SYNJ2BP: variants seen among roughly 807,000 people sequenced by gnomAD.
The protein encoded by SYNJ2BP is synaptojanin-2-binding protein.
A neutral mutation model predicts 16.9 loss-of-function variants in SYNJ2BP; 10 were observed. That is an observed-to-expected ratio of 0.59 (90% CI 0.36 to 1.00). The LOEUF is 1.00. Ranked by LOEUF, SYNJ2BP falls within the 50% of genes least tolerant of loss-of-function variation. The pLI, the probability that SYNJ2BP is intolerant of heterozygous loss-of-function variation, is 0.01. For synonymous variants in SYNJ2BP, 54 were observed against 68.4 expected, an observed-to-expected ratio of 0.79 and a Z score of 1.04; for missense variants, 162 against 186.7, an observed-to-expected ratio of 0.87 and a Z score of 0.77.
chr14:70,406,337 T>C (rs28600078), intron 1 of SYNJ2BP, among the ~76,000 whole-genome samples: 18,141 of 152,282 alleles, frequency 0.12, 1,229 homozygotes, highest in African/African-American at 0.17. Context: ...ACTGACTCCA[T>C]CTTGCTTCTA....
chr14:70,372,807 A>T lies in SYNJ2BP; in HGVS notation c.*184T>A, dbSNP rs1887544282. 1 of 885,590 alleles carries T rather than the reference A, an allele frequency of 1.1e-6. No homozygotes were observed. The highest frequency in any genetic ancestry group is 1.7e-5 in the African/African-American group (1 of 59,280). 54.9% of individuals were successfully genotyped at this position (885,590 alleles called of 1,614,324 possible). A position where few individuals can be genotyped will look rare whatever the true frequency, so the allele number is the denominator to read the frequency against. On this transcript the variant is annotated 3_prime_UTR_variant, in exon 4 of 4. Transcript: ENST00000256366. ...AAGTCTTTTCTTCAGTTTTCCTTCA[A>T]ACAATACCTTTACTTTCCCATTAGA...
chr14:70,392,697 C>G (rs971962712), intron 1 of SYNJ2BP, among the ~76,000 whole-genome samples: 1 of 152,152 alleles, frequency 6.6e-6, no homozygotes, highest in Non-Finnish European at 1.5e-5. Context: ...TAAACAGGAA[C>G]TCAAACTTAT....
chr14:70,392,227 T>C (rs150097557), intron 1 of SYNJ2BP, among the ~76,000 whole-genome samples: 133 of 152,374 alleles, frequency 8.7e-4, no homozygotes, highest in Middle Eastern at 3.4e-3. Flanking sequence ...CATTACGTTA[T>C]GCTCTGAGGA....
chr14:70,389,358 A>G (rs1344086785), intron 1 of SYNJ2BP, among the ~76,000 whole-genome samples: 2 of 145,588 alleles, frequency 1.4e-5, no homozygotes, highest in African/African-American at 5.2e-5. Flanking sequence ...CTTTAGAAAA[A>G]TCTCTTGAGA....
intron 1 of SYNJ2BP, among the ~76,000 whole-genome samples, chr14:70,410,855 C>T (rs1330474227): frequency 6.6e-6 from 1 of 152,026 alleles, no homozygotes; most frequent in Non-Finnish European, 1.5e-5. Context: ...CTGGGGCCTA[C>T]TTAGGGTGGA....
chr14:70,384,249 C>T (rs1887811925), intron 2 of SYNJ2BP, among the ~76,000 whole-genome samples: 1 of 152,124 alleles, frequency 6.6e-6, no homozygotes, highest in Non-Finnish European at 1.5e-5. Context: ...GGAAGAGATA[C>T]ATTTTTAGTT....
intron 2 of SYNJ2BP, among the ~76,000 whole-genome samples, chr14:70,375,990 C>A (rs532040595): frequency 1.5e-4 from 23 of 152,192 alleles, no homozygotes; most frequent in Non-Finnish European, 2.8e-4. Flanking sequence ...CTGAAGAGAA[C>A]CTATGTAAAA....
Position 70,390,852 on chromosome 14 carries a change from A to T in SYNJ2BP, c.65-2246T>A, listed in dbSNP as rs538596590. On this transcript the variant is annotated intron_variant, in intron 1 of 3. Coordinates refer to ENST00000256366, the MANE Select transcript of SYNJ2BP (RefSeq NM_018373.3). ...ACATTTAAGTTAAAAAGCATACCTT[A>T]GCCAGGCATGGTGGCTCACGCCTAT... Among the ~76,000 whole-genome samples the T allele has an allele frequency of 2.6e-5, 4 of 151,620 alleles. No homozygotes were observed. In the South Asian group the frequency reaches 8.4e-4, roughly 32 times the overall value.
rs1173133935 is a variant in SYNJ2BP at position 70,417,020 on chromosome 14, G to A, written c.-57C>T. 6.2e-7 allele frequency: 1 copy of A among 1,613,190 alleles called. No individual in the cohort carries two copies. The highest frequency in any genetic ancestry group is 1.7e-5 in the Admixed American group (1 of 59,930). ...TCAGCTGGAGTGCAGCACAGGTGAAGGTGAATCAATCTCGGCGCTGCGCCC... is the reference window on the plus strand; with the variant it reads ...TCAGCTGGAGTGCAGCACAGGTGAAAGTGAATCAATCTCGGCGCTGCGCCC... On this transcript the variant is annotated 5_prime_UTR_variant, in exon 1 of 4. Coordinates refer to ENST00000256366, the MANE Select transcript of SYNJ2BP (RefSeq NM_018373.3).
rs140314733 is a variant in SYNJ2BP, at chr14:70,392,451, T to C, written c.65-3845A>G. On this transcript the variant is annotated intron_variant, in intron 1 of 3. Coordinates refer to ENST00000256366, the MANE Select transcript of SYNJ2BP (RefSeq NM_018373.3). ...AATAAGAATTATAAATTCTGCCCTG[T>C]CTACATCAATGGGTAAGTGTTAGGG... is the stretch of plus-strand genomic sequence containing the variant. 8.7e-3 allele frequency among the ~76,000 whole-genome samples: 1,327 copies of C among 152,272 alleles called. 9 individuals carry two copies. The highest frequency in any genetic ancestry group is 0.022 in the African/African-American group (907 of 41,546).
intron 1 of SYNJ2BP, among the ~76,000 whole-genome samples, chr14:70,401,935 C>T (rs1040000249): frequency 7.2e-5 from 11 of 152,194 alleles, no homozygotes; most frequent in African/African-American, 2.7e-4. Flanking sequence ...CAAGCATGAG[C>T]CACTGTTCCT....
At position 70,410,699 on chromosome 14, in the gene SYNJ2BP, A is replaced by C. The variant is rs114913568; in HGVS notation, c.64+6201T>G. Among the ~76,000 whole-genome samples, 745 of 152,292 alleles carry C rather than the reference A, an allele frequency of 4.9e-3. 6 individuals carry two copies. Among genetic ancestry groups the C allele is most frequent in the African/African-American group, 0.016 (655 of 41,562 alleles). Reference sequence around the variant, plus strand: ...CTTTGCAGCCATGAAAAAGAACAAGATCATGTCATTCGCAGGAACGTGGAT... The same window carrying C: ...CTTTGCAGCCATGAAAAAGAACAAGCTCATGTCATTCGCAGGAACGTGGAT... On this transcript the variant is annotated intron_variant, in intron 1 of 3. Coordinates refer to ENST00000256366, the MANE Select transcript of SYNJ2BP (RefSeq NM_018373.3).
intron 1 of SYNJ2BP, among the ~76,000 whole-genome samples, chr14:70,408,156 T>C (rs560247262): frequency 6.6e-6 from 1 of 151,980 alleles, no homozygotes; most frequent in Non-Finnish European, 1.5e-5. Flanking sequence ...AGGGTTTTTT[T>C]ATAAACTAAG....
At chr14:70,382,379 G>A (rs1406249744) in intron 2 of SYNJ2BP, among the ~76,000 whole-genome samples, 2 of 152,268 alleles carry the variant, frequency 1.3e-5, no homozygotes, top group Admixed American at 6.5e-5. Context: ...CTCATTTGAC[G>A]AATAGGAAAT....
chr14:70,385,519 C>T (rs1050431651), intron 2 of SYNJ2BP, among the ~76,000 whole-genome samples: 3 of 151,792 alleles, frequency 2.0e-5, no homozygotes, highest in Non-Finnish European at 2.9e-5. Flanking sequence ...CACCAAGGCG[C>T]GTGCCACCAT....
chr14:70,394,766 C>G (rs74065335), intron 1 of SYNJ2BP, among the ~76,000 whole-genome samples: 2,332 of 152,198 alleles, frequency 0.015, 36 homozygotes, highest in South Asian at 0.035. Flanking sequence ...TAATGTTTAC[C>G]AAGACCTTAT....
chr14:70,416,317 CTTTTTTTTT>C, intron 1 of SYNJ2BP, among the ~76,000 whole-genome samples: 1 of 140,878 alleles, frequency 7.1e-6, no homozygotes, highest in African/African-American at 2.6e-5. Context: ...TTTTTATTTT[CTTTTTTTTT>C]TTTTTTTTTA....
intron 1 of SYNJ2BP, among the ~76,000 whole-genome samples, chr14:70,411,177 C>T (rs1216478221): frequency 1.3e-5 from 2 of 152,140 alleles, no homozygotes; most frequent in African/African-American, 4.8e-5. Flanking sequence ...TCGAAATCTT[C>T]ACTTAAAGAG....
At chr14:70,405,958 CTA>C (rs1224868438) in intron 1 of SYNJ2BP, among the ~76,000 whole-genome samples, 1 of 152,120 alleles carries the variant, frequency 6.6e-6, no homozygotes, top group African/African-American at 2.4e-5. Context: ...TAATTAATGA[CTA>C]TTATTTATTG....
Sources: gnomAD v4.1 joint callset for allele counts (sites outside exome capture counted in the v4.1 genomes callset) on GRCh38, gnomAD v4.1.1 for gene constraint, MANE v1.5 for transcripts, NCBI Gene and HGNC (gene_info 2026-07-23, HGNC 2026-07-21) for gene names.